The following TUSC3 variants were observed in gnomAD, a reference collection of about 807,000 sequenced individuals.
The protein encoded by TUSC3 is dolichyl-diphosphooligosaccharide--protein glycosyltransferase subunit TUSC3.
Under a neutral mutation model 44.8 loss-of-function variants are expected in TUSC3, and 45 were observed. The observed-to-expected ratio is 1.00, with a 90% confidence interval of 0.79 to 1.29. The LOEUF is 1.29. Ranked by LOEUF, TUSC3 falls within the 50% of genes most tolerant of loss-of-function variation. The probability of loss-of-function intolerance (pLI) is 0.00; values close to 1 mark genes in which losing one functional copy is unlikely to be tolerated. For missense variants in TUSC3, 519 were observed against 437.9 expected (o/e 1.19, Z -1.65); for synonymous variants, 212 against 152.9 (o/e 1.39, Z -2.85).
rs576652310 is a variant in TUSC3, at chr8:15,500,298, C to G, written n.189+16815C>G. On this transcript the variant is annotated intron_variant and non_coding_transcript_variant, in intron 2 of 5. Coordinates refer to the TUSC3 transcript ENST00000503191. ...CAAAGGAAATCAGTTTTGTTTTGTT[C>G]CGTATCTAATGCAAGTTTATTGTTT... 1.4e-3 allele frequency among the ~76,000 whole-genome samples: 208 copies of G among 152,244 alleles called. 1 individual carries two copies. Among genetic ancestry groups the G allele is most frequent in the South Asian group, 0.011 (54 of 4,824 alleles).
chr8:15,483,673 T>TTTTTTTTTTTTTTTTTA (rs57108938), intron 2 of TUSC3, among the ~76,000 whole-genome samples: 2 of 124,164 alleles, frequency 1.6e-5, no homozygotes, highest in African/African-American at 3.5e-5. Flanking sequence ...TTTTTTTTTT[T>TTTTTTTTTTTTTTTTTA]GAGACTAAGT....
chr8:15,452,096 A>G (rs2129120489), intron 1 of TUSC3, among the ~76,000 whole-genome samples: 1 of 152,310 alleles, frequency 6.6e-6, no homozygotes, highest in East Asian at 1.9e-4. Context: ...GACTCTAGCA[A>G]CTGAATTTAA....
At chr8:15,672,033 A>G (rs1807971010) in intron 5 of TUSC3, among the ~76,000 whole-genome samples, 1 of 152,056 alleles carries the variant, frequency 6.6e-6, no homozygotes, top group African/African-American at 2.4e-5. Flanking sequence ...TTTATGGGCC[A>G]TGAGTTAACC....
At chr8:15,835,686 T>C in the TUSC3 span, among the ~76,000 whole-genome samples, 2 of 152,288 alleles carry the variant, frequency 1.3e-5, no homozygotes, top group Non-Finnish European at 2.9e-5. Context: ...TTTGGAATGC[T>C]CTGTGCAGCT....
the TUSC3 span, among the ~76,000 whole-genome samples, chr8:15,835,297 C>A: frequency 6.6e-6 from 1 of 151,972 alleles, no homozygotes; most frequent in South Asian, 2.1e-4. Context: ...TGTTATTTTT[C>A]CTGTAGCAAT....
chr8:15,613,330 A>G (rs1045418656), intron 1 of TUSC3, among the ~76,000 whole-genome samples: 1 of 152,222 alleles, frequency 6.6e-6, no homozygotes, highest in South Asian at 2.1e-4. Context: ...GATTTAAAAA[A>G]TTCCCACTGC....
intron 1 of TUSC3, among the ~76,000 whole-genome samples, chr8:15,455,644 T>C (rs759363157): frequency 7.9e-5 from 12 of 152,194 alleles, no homozygotes; most frequent in African/African-American, 2.9e-4. Context: ...TTCTAGCCAA[T>C]GAGACCACCT....
chr8:15,434,816 G>A (rs900232910), intron 1 of TUSC3, among the ~76,000 whole-genome samples: 3 of 152,010 alleles, frequency 2.0e-5, no homozygotes, highest in African/African-American at 7.3e-5. Flanking sequence ...ATAGTTTGCT[G>A]AGAATAATGG....
At chr8:15,723,321 A>G (rs1810378071) in intron 6 of TUSC3, among the ~76,000 whole-genome samples, 1 of 152,174 alleles carries the variant, frequency 6.6e-6, no homozygotes, top group South Asian at 2.1e-4. Context: ...CACCTCACAG[A>G]GACAAAATTC....
intron 1 of TUSC3, among the ~76,000 whole-genome samples, chr8:15,570,599 A>G (rs1197828036): frequency 6.6e-6 from 1 of 152,170 alleles, no homozygotes; most frequent in Non-Finnish European, 1.5e-5. Context: ...ACTAATGATA[A>G]CTACCATTTA....
intron 1 of TUSC3, among the ~76,000 whole-genome samples, chr8:15,427,356 G>T (rs537123167): frequency 6.6e-6 from 1 of 151,892 alleles, no homozygotes; most frequent in African/African-American, 2.4e-5. Context: ...ATCAGGTGAT[G>T]GACAAGCAGC....
chr8:15,686,486 G>A (rs1052429254), intron 6 of TUSC3, among the ~76,000 whole-genome samples: 2 of 151,612 alleles, frequency 1.3e-5, no homozygotes, highest in African/African-American at 4.8e-5. Flanking sequence ...ATTTATCATC[G>A]AGGCATTTTT....
chr8:15,738,981 C>T (rs527977805), intron 7 of TUSC3, among the ~76,000 whole-genome samples: 30 of 151,514 alleles, frequency 2.0e-4, no homozygotes, highest in South Asian at 1.5e-3. Flanking sequence ...CACAGGCACG[C>T]GCCACCATGC....
At chr8:15,545,407 C>T (rs920949271) in intron 1 of TUSC3, among the ~76,000 whole-genome samples, 2 of 151,498 alleles carry the variant, frequency 1.3e-5, no homozygotes, top group Non-Finnish European at 2.9e-5. Context: ...ACTTCTTTGA[C>T]CTCTTCTCTA....
chr8:15,513,427 G>C (rs1801170273), intron 2 of TUSC3, among the ~76,000 whole-genome samples: 2 of 152,066 alleles, frequency 1.3e-5, no homozygotes, highest in African/African-American at 4.8e-5. Context: ...GAGAACTGCA[G>C]ACTGTAATTT....
At chr8:15,430,032 G>A (rs947412252) in intron 1 of TUSC3, among the ~76,000 whole-genome samples, 14 of 151,452 alleles carry the variant, frequency 9.2e-5, no homozygotes, top group Admixed American at 1.3e-4. Context: ...ATTCACAGCC[G>A]AATTCTACTG....
intron 1 of TUSC3, among the ~76,000 whole-genome samples, chr8:15,443,154 T>C (rs1429389080): frequency 6.7e-6 from 1 of 148,316 alleles, no homozygotes; most frequent in African/African-American, 2.6e-5. Context: ...TCTTTTTTCT[T>C]CCTTCCTTCC....
At chr8:15,691,436 G>C (rs1384370037) in intron 6 of TUSC3, among the ~76,000 whole-genome samples, 1 of 152,152 alleles carries the variant, frequency 6.6e-6, no homozygotes, top group African/African-American at 2.4e-5. Flanking sequence ...TCTAGGTGGA[G>C]AGTTAAATTG....
At position 15,418,825 on chromosome 8, in the gene TUSC3, G is replaced by T. The variant is rs188958767; in HGVS notation, n.91+1520G>T. ...GTTCAAGACCAGCCTGGGCAACATA[G>T]CCACACCTTATCTTTACAAAAAATT... On this transcript the variant is annotated intron_variant and non_coding_transcript_variant, in intron 1 of 5. Coordinates refer to the TUSC3 transcript ENST00000503191. Among the ~76,000 whole-genome samples the T allele has an allele frequency of 5.9e-5, 9 of 152,196 alleles. No individual in the cohort carries two copies. In the East Asian group the frequency reaches 1.7e-3, roughly 29 times the overall value.
Sources: gnomAD v4.1 joint callset for allele counts (sites outside exome capture counted in the v4.1 genomes callset) on GRCh38, gnomAD v4.1.1 for gene constraint, MANE v1.5 for transcripts, NCBI Gene and HGNC (gene_info 2026-07-23, HGNC 2026-07-21) for gene names.